Variants in NAV2 observed in about 807,000 individuals in gnomAD.
The protein encoded by NAV2 is helicase, APC down-regulated 1.
NAV2 carries 54 observed loss-of-function variants against 223.2 expected under a neutral mutation model. That is an observed-to-expected ratio of 0.24 (90% CI 0.19 to 0.30). The LOEUF (loss-of-function observed/expected upper bound fraction) is 0.30, where lower values mean the gene tolerates loss of function less well. Among genes scored for constraint, NAV2 ranks in the 10% least tolerant of loss-of-function variants. NAV2 has a pLI of 1.00. For synonymous variants in NAV2, 1,279 were observed against 1,239.3 expected (o/e 1.03, Z -0.67); for missense variants, 2,806 against 3,147.5 (o/e 0.89, Z 2.60).
chr11:19,495,891 G>A (rs1452578230), intron 1 of NAV2, among the ~76,000 whole-genome samples: 3 of 152,090 alleles, frequency 2.0e-5, no homozygotes, highest in Non-Finnish European at 2.9e-5. Context: ...CAGATGTGGG[G>A]GTCAGTGACA....
chr11:19,876,558 T>C (rs1162427083), intron 4 of NAV2, among the ~76,000 whole-genome samples: 2 of 152,150 alleles, frequency 1.3e-5, no homozygotes, highest in Non-Finnish European at 1.5e-5. Flanking sequence ...AATATATTTA[T>C]TGGAGGAGCA....
chr11:19,659,777 A>G (rs2048226412), intron 1 of NAV2, among the ~76,000 whole-genome samples: 1 of 152,110 alleles, frequency 6.6e-6, no homozygotes, highest in Non-Finnish European at 1.5e-5. Flanking sequence ...CCTGCCATCT[A>G]CTAGTGGTAT....
chr11:19,642,839 A>G (rs2047703524), intron 1 of NAV2, among the ~76,000 whole-genome samples: 1 of 152,162 alleles, frequency 6.6e-6, no homozygotes, highest in Admixed American at 6.5e-5. Context: ...AATGATTACC[A>G]TGCTATCAGC....
intron 24 of NAV2, 42 bp from the exon 25 acceptor site, chr11:20,080,022 C>G (rs1410813870): frequency 1.2e-6 from 2 of 1,606,798 alleles, no homozygotes; most frequent in Non-Finnish European, 1.7e-6. Flanking sequence ...AAGAATAGGG[C>G]TCAGGTTGGC....
chr11:19,404,804 T>C (rs1368059224), intron 1 of NAV2, among the ~76,000 whole-genome samples: 1 of 152,204 alleles, frequency 6.6e-6, no homozygotes, highest in East Asian at 1.9e-4. Context: ...GAATTCATGA[T>C]TAAATTTTAA....
intron 1 of NAV2, among the ~76,000 whole-genome samples, chr11:19,652,486 T>G (rs190263276): frequency 2.6e-5 from 4 of 152,340 alleles, no homozygotes; most frequent in Non-Finnish European, 5.9e-5. Context: ...CCTAGCATCC[T>G]TGATTGTCTA....
chr11:19,923,021 A>G (rs1389828877), intron 6 of NAV2, among the ~76,000 whole-genome samples: 1 of 152,230 alleles, frequency 6.6e-6, no homozygotes, highest in Non-Finnish European at 1.5e-5. Flanking sequence ...CATGCAGAGT[A>G]AATAAAAGAA....
At chr11:19,868,206 C>T (rs532342076) in intron 3 of NAV2, among the ~76,000 whole-genome samples, 69 of 152,296 alleles carry the variant, frequency 4.5e-4, no homozygotes, top group African/African-American at 1.6e-3. Context: ...TACCCGTTGA[C>T]ATTAATCAAG....
chr11:19,562,313 T>C (rs1469000053), intron 1 of NAV2, among the ~76,000 whole-genome samples: 1 of 152,088 alleles, frequency 6.6e-6, no homozygotes, highest in African/African-American at 2.4e-5. Context: ...CACCAACCCT[T>C]TGGGGCAAAT....
intron 1 of NAV2, among the ~76,000 whole-genome samples, chr11:19,486,438 C>T (rs181754288): frequency 6.6e-6 from 1 of 152,274 alleles, no homozygotes; most frequent in Non-Finnish European, 1.5e-5. Context: ...TTTCCATAAT[C>T]CCCAAATGTC....
chr11:19,972,653 G>C (rs1485100193), intron 10 of NAV2, among the ~76,000 whole-genome samples: 1 of 152,130 alleles, frequency 6.6e-6, no homozygotes, highest in Non-Finnish European at 1.5e-5. Context: ...ATATTGCCTG[G>C]CAGACACCTT....
chr11:19,935,554 G>A (rs944367524), intron 7 of NAV2, among the ~76,000 whole-genome samples: 3 of 152,126 alleles, frequency 2.0e-5, no homozygotes, highest in African/African-American at 7.2e-5. Context: ...CCTGAGCTGT[G>A]TTCTAGTGGT....
chr11:19,772,301 C>A (rs2055777920), intron 1 of NAV2, among the ~76,000 whole-genome samples: 1 of 152,176 alleles, frequency 6.6e-6, no homozygotes, highest in Non-Finnish European at 1.5e-5. Context: ...GACAGTAATG[C>A]AGACAACTGC....
In NAV2 at chr11:19,419,404, T is replaced by C. The variant is rs116369716; in HGVS notation, c.75+68377T>C. ...CTCATGAATATGATTCTCCTGGCAA[T>C]GCAGGCAGAACTTTTTTCCAGCAGC... On this transcript the variant is annotated intron_variant, in intron 1 of 37. Transcript: ENST00000360655. Among the ~76,000 whole-genome samples, 309 of 152,282 alleles carry C rather than the reference T, an allele frequency of 2.0e-3. 1 individual carries two copies. The highest frequency in any genetic ancestry group is 6.7e-3 in the African/African-American group (279 of 41,558).
intron 26 of NAV2, among the ~76,000 whole-genome samples, 186 bp from the exon 27 acceptor site, chr11:20,090,678 GA>G (rs2060779749): frequency 6.6e-6 from 1 of 152,068 alleles, no homozygotes; most frequent in East Asian, 1.9e-4. Context: ...ATTTAAAGAA[GA>G]AAAAAAGAAT....
chr11:19,366,477 A>G (rs930082088), intron 1 of NAV2, among the ~76,000 whole-genome samples: 3 of 152,168 alleles, frequency 2.0e-5, no homozygotes, highest in African/African-American at 4.8e-5. Context: ...GAAGGGTACC[A>G]GGAGCCCCTG....
intron 1 of NAV2, chr11:19,714,250 A>C (rs1164626084): frequency 1.6e-6 from 1 of 643,266 alleles, no homozygotes; most frequent in East Asian, 3.1e-5. Flanking sequence ...GTTCTCAAAA[A>C]ACGTGTGCAT....
At chr11:19,887,371 G>A (rs185629166) in intron 5 of NAV2, among the ~76,000 whole-genome samples, 306 of 152,104 alleles carry the variant, frequency 2.0e-3, no homozygotes, top group Non-Finnish European at 3.1e-3. Context: ...TTTACCTGCA[G>A]GAAGCAGAGA....
intron 1 of NAV2, among the ~76,000 whole-genome samples, chr11:19,591,783 G>C (rs4757821): frequency 1.3e-5 from 2 of 152,184 alleles, no homozygotes; most frequent in Admixed American, 6.5e-5. Flanking sequence ...TTTATCTTGA[G>C]GTCCTGAAAT....
Sources: gnomAD v4.1 joint callset for allele counts (sites outside exome capture counted in the v4.1 genomes callset) on GRCh38, gnomAD v4.1.1 for gene constraint, MANE v1.5 for transcripts, NCBI Gene and HGNC (gene_info 2026-07-23, HGNC 2026-07-21) for gene names.